Variants in OR2AT4 observed in about 807,000 individuals in gnomAD.
OR2AT4 encodes the protein olfactory receptor family 2 subfamily AT member 4, also known as olfactory receptor 2AT4.
OR2AT4 carries 6 observed loss-of-function variants against 10.3 expected under a neutral mutation model. That is an observed-to-expected ratio of 0.58 (90% CI 0.32 to 1.15). The LOEUF is 1.15. Among genes scored for constraint, OR2AT4 ranks in the 50% most tolerant of loss-of-function variants. The pLI is 0.05. For missense variants in OR2AT4, 354 were observed against 393.8 expected (o/e 0.90, Z 0.85); for synonymous variants, 145 against 159.1 (o/e 0.91, Z 0.67).
chr11:75,087,992 A>T (rs2140278680), exon 2 of OR2AT4: 1 of 152,272 alleles, frequency 6.6e-6, no homozygotes, highest in South Asian at 2.1e-4. Context: ...ACTTTTCTGC[A>T]GCTTGCTTTT....
rs755101064 is a variant in OR2AT4 at position 75,089,068 on chromosome 11, G to C, written c.646C>G (p.Leu216Val). The change falls in exon 2 of 2, where the codon CTT becomes GTT. Residue 216 changes from leucine to valine, a missense_variant. Leu to Val is a conservative substitution (Grantham distance 32). Transcript: ENST00000641504. ...ACATAGGAGAGAAGCACCAGGAGAAGGGGGAGGAAGGACACCACCATGGCG... is the reference window on the plus strand; with the variant it reads ...ACATAGGAGAGAAGCACCAGGAGAACGGGGAGGAAGGACACCACCATGGCG... The C allele has an allele frequency of 3.7e-6, 6 of 1,613,838 alleles. No individual in the cohort carries two copies. In the East Asian group the frequency reaches 8.9e-5, roughly 24 times the overall value.
At position 75,092,521 on chromosome 11, in the gene OR2AT4, A is replaced by G. The variant is rs372838238; in HGVS notation, c.-651-2157T>C. On this transcript the variant is annotated intron_variant, in intron 1 of 1. Coordinates refer to ENST00000641504, the Ensembl canonical transcript of OR2AT4. ...ATCAGCTAGTGATGCAGCTAAAGATATAGCACATTTCCAGCAACCCAGAAA... is the reference window on the plus strand; with the variant it reads ...ATCAGCTAGTGATGCAGCTAAAGATGTAGCACATTTCCAGCAACCCAGAAA... Among the ~76,000 whole-genome samples, 10 of 152,368 alleles carry G rather than the reference A, an allele frequency of 6.6e-5. No individual in the cohort carries two copies. In the East Asian group the frequency reaches 1.9e-3, roughly 29 times the overall value.
chr11:75,088,903 G>A (rs750451488), exon 2 of OR2AT4: 3 of 1,614,104 alleles, frequency 1.9e-6, no homozygotes, highest in Non-Finnish European at 1.7e-6. Context: ...TCAAGGGGCA[G>A]GTCAGCCCTG....
At chr11:75,087,738 A>G (rs1459211405) in exon 2 of OR2AT4, 1 of 152,238 alleles carries the variant, frequency 6.6e-6, no homozygotes, top group African/African-American at 2.4e-5. Flanking sequence ...TCATGCCACT[A>G]ACTTGAGAGA....
exon 2 of OR2AT4, chr11:75,089,955 C>T (rs1949314137): frequency 1.2e-5 from 6 of 486,386 alleles, no homozygotes; most frequent in Non-Finnish European, 2.2e-5. Context: ...TAATAACCAA[C>T]CAAATAGAAG....
chr11:75,093,715 A>G, intron 1 of OR2AT4, among the ~76,000 whole-genome samples: 1 of 151,664 alleles, frequency 6.6e-6, no homozygotes, highest in East Asian at 1.9e-4. Context: ...CTCTAATAAA[A>G]TATCTCTCAT....
chr11:75,083,449 T>G (rs1472428878), exon 2 of OR2AT4: 3 of 152,198 alleles, frequency 2.0e-5, no homozygotes, highest in African/African-American at 7.2e-5. Flanking sequence ...TTGGTGAGAA[T>G]GTAAATTAGT....
At chr11:75,093,804 C>CTTTTTTT (rs1166766222) in intron 1 of OR2AT4, among the ~76,000 whole-genome samples, 12 of 88,360 alleles carry the variant, frequency 1.4e-4, no homozygotes, top group African/African-American at 2.5e-4. Context: ...TTTTCTTTTT[C>CTTTTTTT]TTTTTCTTTT....
intron 1 of OR2AT4, among the ~76,000 whole-genome samples, chr11:75,094,962 T>C (rs1475245196): frequency 1.3e-5 from 2 of 152,126 alleles, no homozygotes; most frequent in Non-Finnish European, 2.9e-5. Context: ...CAAACTACCT[T>C]ATTCTGAACG....
chr11:75,088,623 A>T, exon 2 of OR2AT4: 1 of 990,732 alleles, frequency 1.0e-6, no homozygotes, highest in Middle Eastern at 3.3e-4. Flanking sequence ...CTAAGTAGTA[A>T]AATTTTATAC....
At chr11:75,095,212 C>A (rs1318807132) in intron 1 of OR2AT4, among the ~76,000 whole-genome samples, 1 of 152,178 alleles carries the variant, frequency 6.6e-6, no homozygotes, top group Non-Finnish European at 1.5e-5. Context: ...TGTCCTGGCT[C>A]CCACCCAGTC....
chr11:75,087,561 C>A (rs1565513123), exon 2 of OR2AT4: 1 of 152,246 alleles, frequency 6.6e-6, no homozygotes, highest in Non-Finnish European at 1.5e-5. Context: ...GCACTCCAGC[C>A]TGGGTGACAG....
chr11:75,091,168 C>T (rs557903967), intron 1 of OR2AT4, among the ~76,000 whole-genome samples: 6 of 152,332 alleles, frequency 3.9e-5, no homozygotes, highest in African/African-American at 1.4e-4. Context: ...CTACCTTACT[C>T]TACCTGCCTA....
At chr11:75,084,378 T>C (rs1358508975) in exon 2 of OR2AT4, 1 of 152,116 alleles carries the variant, frequency 6.6e-6, no homozygotes. Context: ...ACTGGTGAAA[T>C]TGAAGGGAGA....
chr11:75,090,761 A>G lies in OR2AT4; in HGVS notation c.-651-397T>C, dbSNP rs1223158674. Among the ~76,000 whole-genome samples, 3 of 152,202 alleles carry G rather than the reference A, an allele frequency of 2.0e-5. No individual in the cohort carries two copies. In the East Asian group the frequency reaches 5.8e-4, roughly 29 times the overall value. On this transcript the variant is annotated intron_variant, in intron 1 of 1. Coordinates refer to ENST00000641504, the Ensembl canonical transcript of OR2AT4. The stretch of plus-strand genomic sequence containing the variant: ...TTCTGGCTATGCAAGGGAGGCTAGA[A>G]AGCTGTGCTGAGGGCCTCTAAAAGA...
exon 2 of OR2AT4, chr11:75,088,921 C>A (rs138952025): frequency 6.2e-7 from 1 of 1,614,090 alleles, no homozygotes; most frequent in Non-Finnish European, 8.5e-7. Flanking sequence ...CTGTAGGCCA[C>A]GTAGGCTATG....
At chr11:75,088,152 A>C (rs187584055) in exon 2 of OR2AT4, 1 of 152,238 alleles carries the variant, frequency 6.6e-6, no homozygotes, top group East Asian at 1.9e-4. Flanking sequence ...ATTGATGGTG[A>C]CTCCTCGGGA....
At chr11:75,096,372 T>C (rs890060307) in intron 1 of OR2AT4, 10 of 152,202 alleles carry the variant, frequency 6.6e-5, no homozygotes, top group African/African-American at 9.7e-5. Context: ...CCCAAACTCA[T>C]GCAGTTCTCT....
At chr11:75,092,049 AC>A (rs1949322515) in intron 1 of OR2AT4, among the ~76,000 whole-genome samples, 1 of 152,244 alleles carries the variant, frequency 6.6e-6, no homozygotes. Flanking sequence ...TAAGAAAAAG[AC>A]AGATGACCTA....
Sources: allele counts gnomAD v4.1 joint callset (sites outside exome capture counted in the v4.1 genomes callset), GRCh38; gene constraint gnomAD v4.1.1; transcripts MANE v1.5; gene names NCBI Gene and HGNC (gene_info 2026-07-23, HGNC 2026-07-21).